The following CASP8 variants were observed in gnomAD, a reference collection of about 807,000 sequenced individuals.
CASP8 encodes caspase 8, also known as caspase-8.
In CASP8, 24 loss-of-function variants were observed where a neutral mutation model predicts 46.3. The ratio of observed to expected loss-of-function variants is 0.52; its 90% confidence interval spans 0.38 to 0.73. The LOEUF is 0.73. Among genes scored for constraint, CASP8 ranks in the 30% least tolerant of loss-of-function variants. CASP8 has a pLI of 0.00. For missense variants in CASP8, 460 were observed against 559.0 expected (o/e 0.82, Z 1.79); for synonymous variants, 188 against 200.4 (o/e 0.94, Z 0.52).
rs918397149 is a variant in CASP8 at position 201,274,822 on chromosome 2, A to G, written c.596-67A>G. 7 of 1,199,646 alleles carry G rather than the reference A, an allele frequency of 5.8e-6. No individual in the cohort carries two copies. The Admixed American group carries it at 1.2e-4, about 21-fold the overall frequency. The allele number at this position is 1,199,646 out of a possible 1,614,324, so 74.3% of individuals were successfully genotyped here. ...GACCTTATGTTGTCCTATGTGCTAC[A>G]TATTTCATTACCAGTGTACCTTTCC... On this transcript the variant is annotated intron_variant, in intron 5 of 8. Transcript: ENST00000673742.
intron 5 of CASP8, among the ~76,000 whole-genome samples, chr2:201,273,677 G>T (rs7564683): frequency 0.17 from 26,182 of 151,602 alleles, 4,133 homozygotes; most frequent in South Asian, 0.42. Context: ...TAATCAAATA[G>T]TCTTTTTTTT....
chr2:201,286,447 G>T lies in CASP8; in HGVS notation c.1305-12G>T, dbSNP rs2125509168. ...CCCACAGACAGTCACAATATTATGT[G>T]ATGTATTTCAGAGGCGATGATATTC... is the stretch of plus-strand genomic sequence containing the variant. On this transcript the variant is annotated splice_polypyrimidine_tract_variant and intron_variant, in intron 8 of 8. Coordinates refer to ENST00000673742, the MANE Select transcript of CASP8 (RefSeq NM_001372051.1). 1 of 1,611,416 alleles carries T rather than the reference G, an allele frequency of 6.2e-7. No homozygotes were observed. Among genetic ancestry groups the T allele is most frequent in the Non-Finnish European group, 8.5e-7 (1 of 1,177,934 alleles).
upstream of CASP8, chr2:201,258,304 C>G (rs201548238): frequency 4.3e-5 from 70 of 1,614,092 alleles, no homozygotes; most frequent in African/African-American, 8.0e-4. Flanking sequence ...CTTTCCCACC[C>G]CCTTCCCTGC....
intron 7 of CASP8, 114 bp from the exon 8 acceptor site, chr2:201,284,702 G>C: frequency 1.9e-5 from 3 of 159,950 alleles, no homozygotes; most frequent in Admixed American, 6.5e-5. Flanking sequence ...GACGGGGAGA[G>C]GGAGAGGGAG....
chr2:201,277,032 AG>A (rs1948679662), intron 7 of CASP8, 64 bp downstream of exon 7: 4 of 1,209,674 alleles, frequency 3.3e-6, no homozygotes, highest in Admixed American at 1.8e-5. Context: ...TTAAATCAAA[AG>A]GGAGAGAACA....
Position 201,272,660 on chromosome 2 carries a change from A to G in CASP8, c.434A>G (p.Glu145Gly). 1 of 1,614,130 alleles carries G rather than the reference A, an allele frequency of 6.2e-7. No homozygotes were observed. Among genetic ancestry groups the G allele is most frequent in the South Asian group, 1.1e-5 (1 of 91,078 alleles). The change falls in exon 4 of 9, where the codon GAG (glutamate) becomes GGG (glycine). Residue 145 changes from glutamate to glycine, a missense_variant. Transcript: ENST00000673742. The surrounding 1 kb of genome is among the most constrained non-coding windows in gnomAD (Gnocchi z 4.4). ...DDMNLLDIFI[E>G]MEKRVILGEG... ...TAGAACCTGCTGGATATTTTCATAG[A>G]GATGGAGAAGAGGGTCATCCTGGGA...
At chr2:201,258,213 C>G (rs760304290), upstream of CASP8, 1 of 1,606,658 alleles carries the variant, frequency 6.2e-7, no homozygotes, top group Non-Finnish European at 8.5e-7. Flanking sequence ...TGCTAGTCAA[C>G]TCAACAGGAA....
intron 7 of CASP8, among the ~76,000 whole-genome samples, chr2:201,280,844 T>C (rs1201149983): frequency 6.6e-6 from 1 of 152,024 alleles, no homozygotes; most frequent in East Asian, 1.9e-4. Context: ...AGCCTGAAAA[T>C]GTTGAAAGAT....
upstream of CASP8, among the ~76,000 whole-genome samples, chr2:201,259,597 G>A (rs966753485): frequency 5.9e-5 from 9 of 152,040 alleles, no homozygotes; most frequent in African/African-American, 2.2e-4. Flanking sequence ...ATTCTATTTG[G>A]GGAAAGACAA....
intron 8 of CASP8, among the ~76,000 whole-genome samples, 192 bp from the exon 9 acceptor site, chr2:201,286,263 AAAGT>A (rs1949552795): frequency 6.6e-6 from 1 of 152,224 alleles, no homozygotes; most frequent in East Asian, 1.9e-4. Context: ...GAATAAACCA[AAAGT>A]AAGTTATTAA....
chr2:201,255,838 T>A (rs1375508841), upstream of CASP8, among the ~76,000 whole-genome samples: 2 of 152,172 alleles, frequency 1.3e-5, no homozygotes, highest in African/African-American at 4.8e-5. Flanking sequence ...CACTGCAGCC[T>A]TGACCTCCCA....
chr2:201,243,220 T>C (rs1400360717), intron 2 of CASP8, among the ~76,000 whole-genome samples: 2 of 152,196 alleles, frequency 1.3e-5, no homozygotes, highest in African/African-American at 4.8e-5. Flanking sequence ...AGGGTAGATC[T>C]CACTTAAATG....
chr2:201,283,693 C>G (rs1251101228), intron 7 of CASP8, among the ~76,000 whole-genome samples: 1 of 89,158 alleles, frequency 1.1e-5, no homozygotes, highest in Non-Finnish European at 2.8e-5. Flanking sequence ...GCCGACCACC[C>G]CCCCCCGCCT....
At chr2:201,258,149 T>TGAAGTAAAAGAAACTTCTTC, upstream of CASP8, 3 of 1,510,890 alleles carry the variant, frequency 2.0e-6, no homozygotes, top group Non-Finnish European at 2.8e-6. Context: ...GGAAGTGTTT[T>TGAAGTAAAAGAAACTTCTTC]CACAGGTTCT....
upstream of CASP8, among the ~76,000 whole-genome samples, chr2:201,257,392 G>A (rs549378568): frequency 6.7e-6 from 1 of 150,054 alleles, no homozygotes; most frequent in Non-Finnish European, 1.5e-5. Flanking sequence ...TGAGGCAGGA[G>A]AATCACCTGA....
chr2:201,266,172 GT>G lies in CASP8; in HGVS notation c.-26-286del, dbSNP rs1947813537. Among the ~76,000 whole-genome samples, 1 of 152,098 alleles carries G rather than the reference GT, an allele frequency of 6.6e-6. No homozygotes were observed. The highest frequency in any genetic ancestry group is 6.5e-5 in the Admixed American group (1 of 15,272). On this transcript the variant is annotated intron_variant, in intron 1 of 8. Coordinates refer to ENST00000673742, the MANE Select transcript of CASP8 (RefSeq NM_001372051.1). The surrounding 1 kb of genome is among the most constrained non-coding windows in gnomAD (Gnocchi z 5.7). ...TTTTTGCACTTTTAGTAGAGACGGG[GT>G]TTCACCATGTTAGTCAGGCTGGTCT...
At chr2:201,234,697 G>T (rs1422668874) in intron 2 of CASP8, among the ~76,000 whole-genome samples, 1 of 151,832 alleles carries the variant, frequency 6.6e-6, no homozygotes, top group East Asian at 1.9e-4. Flanking sequence ...GGCCCCAAGT[G>T]ATCTACCCAC....
intron 2 of CASP8, among the ~76,000 whole-genome samples, chr2:201,246,033 A>C (rs1486683909): frequency 6.6e-6 from 1 of 151,816 alleles, no homozygotes; most frequent in African/African-American, 2.4e-5. Flanking sequence ...ATGCCCGGCT[A>C]ATTTTGTATT....
rs1465582031 is a variant in CASP8 at position 201,272,901 on chromosome 2, G to T, written c.554G>T (p.Arg185Ile). Residue 185 changes from arginine (R) to isoleucine (I), a missense_variant, in exon 5 of 9, where the codon AGA becomes ATA. Coordinates refer to ENST00000673742, the MANE Select transcript of CASP8 (RefSeq NM_001372051.1). This position sits in a 1 kb window ranked among gnomAD's most constrained non-coding sequence, Gnocchi z 4.4. ...INDYEEFSKE[R>I]SSSLEGSPDE... ...GGGGTTTCCCCTTTTAATTCAGAGAGAAGCAGCAGCCTTGAAGGAAGTCCT... is the reference window on the plus strand; with the variant it reads ...GGGGTTTCCCCTTTTAATTCAGAGATAAGCAGCAGCCTTGAAGGAAGTCCT... 1.2e-6 allele frequency: 2 copies of T among 1,614,134 alleles called. No individual in the cohort carries two copies. The highest frequency in any genetic ancestry group is 2.2e-5 in the East Asian group (1 of 44,876).
Sources: gnomAD v4.1 joint callset for allele counts (sites outside exome capture counted in the v4.1 genomes callset) on GRCh38, gnomAD v4.1.1 for gene constraint, Gnocchi (gnomAD v3.1) non-coding constraint, MANE v1.5 for transcripts, NCBI Gene and HGNC (gene_info 2026-07-23, HGNC 2026-07-21) for gene names.